Variants in SUPT3H observed in about 807,000 individuals in gnomAD.
SUPT3H encodes the protein SPT3 homolog, SAGA and STAGA complex component.
In SUPT3H, 44 loss-of-function variants were observed where a neutral mutation model predicts 44.3. The observed-to-expected ratio is 0.99, with a 90% CI of 0.78 to 1.28. SUPT3H has a LOEUF of 1.28. SUPT3H is among the 50% of genes most tolerant of loss of function. The pLI is 0.00. For synonymous variants in SUPT3H, 124 were observed against 125.6 expected (o/e 0.99, Z 0.09); for missense variants, 380 against 387.1 (o/e 0.98, Z 0.15).
intron 7 of SUPT3H, among the ~76,000 whole-genome samples, chr6:44,960,806 G>GT (rs1411958339): frequency 6.6e-6 from 1 of 151,646 alleles, no homozygotes; most frequent in East Asian, 1.9e-4. Flanking sequence ...AGTATATTTA[G>GT]TCAGAAAAAA....
chr6:45,179,714 G>A (rs115891711), intron 2 of SUPT3H, among the ~76,000 whole-genome samples: 1 of 150,982 alleles, frequency 6.6e-6, no homozygotes, highest in South Asian at 2.1e-4. Context: ...AATTAGGGAC[G>A]TATTTCAAAA....
At chr6:45,281,926 T>C (rs1054695035) in intron 2 of SUPT3H, among the ~76,000 whole-genome samples, 1 of 152,194 alleles carries the variant, frequency 6.6e-6, no homozygotes. Flanking sequence ...CATTTGCTGC[T>C]CACCAATATC....
intron 10 of SUPT3H, among the ~76,000 whole-genome samples, chr6:44,845,139 G>A (rs907228649): frequency 3.3e-5 from 5 of 152,130 alleles, no homozygotes; most frequent in African/African-American, 1.2e-4. Context: ...TTAAGACCAA[G>A]GTAAACTGTG....
At chr6:45,060,437 TA>T (rs1359026375) in intron 3 of SUPT3H, among the ~76,000 whole-genome samples, 1 of 151,956 alleles carries the variant, frequency 6.6e-6, no homozygotes, top group African/African-American at 2.4e-5. Flanking sequence ...ACACCTTATA[TA>T]AAAATTAATT....
At position 45,078,070 on chromosome 6, in the gene SUPT3H, G is replaced by C. The variant is rs149623984; in HGVS notation, c.186+27852C>G. 4.4e-3 allele frequency among the ~76,000 whole-genome samples: 668 copies of C among 152,178 alleles called. 3 individuals are homozygous for C. The highest frequency in any genetic ancestry group is 7.0e-3 in the Non-Finnish European group (475 of 67,990). On this transcript the variant is annotated intron_variant, in intron 3 of 10. Transcript: ENST00000371459. ...GTATTTTCAGTAGAGACAGAGTTTC[G>C]CCATGTTGGCCAGACTGGTCTTGAA...
chr6:45,199,884 A>G (rs1464618560), intron 2 of SUPT3H, among the ~76,000 whole-genome samples: 1 of 151,454 alleles, frequency 6.6e-6, no homozygotes, highest in Non-Finnish European at 1.5e-5. Flanking sequence ...CTTTAAGTCT[A>G]GAGCCTTATT....
intron 3 of SUPT3H, among the ~76,000 whole-genome samples, chr6:45,037,842 T>A (rs1265844292): frequency 6.6e-6 from 1 of 151,824 alleles, no homozygotes; most frequent in Non-Finnish European, 1.5e-5. Flanking sequence ...TATATCTAGA[T>A]AACAAAATCA....
intron 2 of SUPT3H, among the ~76,000 whole-genome samples, chr6:45,303,424 C>CA (rs939240714): frequency 6.6e-6 from 1 of 151,748 alleles, no homozygotes; most frequent in African/African-American, 2.4e-5. Context: ...AAATTAGCAA[C>CA]AAAAAAGCAA....
chr6:44,932,829 A>G, intron 9 of SUPT3H, 66 bp from the exon 10 acceptor site: 1 of 1,071,514 alleles, frequency 9.3e-7, no homozygotes, highest in Non-Finnish European at 1.3e-6. Flanking sequence ...CAGTGTATAA[A>G]TATGAAAATA....
In SUPT3H at chr6:45,043,169, ACG is replaced by A. The variant is rs1491215075; in HGVS notation, c.187-22539_187-22538del. On this transcript the variant is annotated intron_variant, in intron 3 of 10. Coordinates refer to ENST00000371459, the MANE Select transcript of SUPT3H (RefSeq NM_003599.4). ...CACACACACACACACACACACACAC[ACG>A]CACACACACAAACACCAAAACCAAG... is the stretch of plus-strand genomic sequence containing the variant. Among the ~76,000 whole-genome samples the A allele has an allele frequency of 9.9e-3, 1,500 of 151,118 alleles. 24 individuals carry two copies. The highest frequency in any genetic ancestry group is 0.041 in the Middle Eastern group (12 of 294).
intron 10 of SUPT3H, among the ~76,000 whole-genome samples, chr6:44,928,462 T>C (rs977420392): frequency 5.9e-5 from 9 of 152,136 alleles, no homozygotes; most frequent in African/African-American, 1.9e-4. Flanking sequence ...TGTTTGAAGC[T>C]AGGGGTTGGA....
At chr6:44,910,979 A>C (rs1766931814) in intron 10 of SUPT3H, among the ~76,000 whole-genome samples, 1 of 121,422 alleles carries the variant, frequency 8.2e-6, no homozygotes, top group South Asian at 3.1e-4. Flanking sequence ...TGGGCAACAG[A>C]GTGAGACTCC....
chr6:45,302,508 C>G (rs1782288049), intron 2 of SUPT3H, among the ~76,000 whole-genome samples: 2 of 116,630 alleles, frequency 1.7e-5, no homozygotes, highest in Admixed American at 1.0e-4. Context: ...AATGAAGTAT[C>G]TCAGGAATAT....
In SUPT3H at chr6:45,213,969, A is replaced by G. The variant is rs570079922; in HGVS notation, c.102-107963T>C. Among the ~76,000 whole-genome samples, 6 of 150,652 alleles carry G rather than the reference A, an allele frequency of 4.0e-5. No homozygotes were observed. The South Asian group carries it at 1.1e-3, about 26-fold the overall frequency. ...TATTTAAATGTAATCAGCCATGTCCATAATCATGTTAATAACACTCGAAAG... is the reference window on the plus strand; with the variant it reads ...TATTTAAATGTAATCAGCCATGTCCGTAATCATGTTAATAACACTCGAAAG... On this transcript the variant is annotated intron_variant, in intron 2 of 10. Transcript: ENST00000371459.
At chr6:45,313,100 T>A (rs1784206097) in intron 2 of SUPT3H, among the ~76,000 whole-genome samples, 1 of 152,118 alleles carries the variant, frequency 6.6e-6, no homozygotes, top group African/African-American at 2.4e-5. Flanking sequence ...ATGACAATAA[T>A]GACATAACTT....
chr6:45,191,484 G>A (rs1428362179), intron 2 of SUPT3H, among the ~76,000 whole-genome samples: 1 of 152,066 alleles, frequency 6.6e-6, no homozygotes, highest in Non-Finnish European at 1.5e-5. Context: ...GTAATATAAT[G>A]GTGGATAAAT....
intron 2 of SUPT3H, among the ~76,000 whole-genome samples, chr6:45,355,481 T>C (rs138620622): frequency 5.2e-4 from 79 of 152,176 alleles, no homozygotes; most frequent in African/African-American, 1.9e-3. Flanking sequence ...TAATTGTTCC[T>C]AAAATATAAA....
intron 1 of SUPT3H, among the ~76,000 whole-genome samples, chr6:45,369,736 G>C (rs1795737048): frequency 6.6e-6 from 1 of 152,118 alleles, no homozygotes; most frequent in Admixed American, 6.6e-5. Flanking sequence ...ATATAGTAGT[G>C]ACTAAGTCAG....
chr6:45,299,693 T>A (rs1283911493), intron 2 of SUPT3H, among the ~76,000 whole-genome samples: 5 of 149,086 alleles, frequency 3.4e-5, no homozygotes, highest in African/African-American at 1.2e-4. Flanking sequence ...GGAAGGAAGA[T>A]CACTTAAGCC....
Sources: allele counts gnomAD v4.1 joint callset (sites outside exome capture counted in the v4.1 genomes callset), GRCh38; gene constraint gnomAD v4.1.1; transcripts MANE v1.5; gene names NCBI Gene and HGNC (gene_info 2026-07-23, HGNC 2026-07-21).